The following DOCK1 variants were observed in gnomAD, a reference collection of about 807,000 sequenced individuals.
DOCK1 encodes the protein dedicator of cytokinesis protein 1.
DOCK1 carries 138 observed loss-of-function variants against 262.7 expected under a neutral mutation model. The ratio of observed to expected loss-of-function variants is 0.53; its 90% confidence interval spans 0.46 to 0.61. DOCK1 has a LOEUF of 0.61. Among genes scored for constraint, DOCK1 ranks in the 20% least tolerant of loss-of-function variants. The pLI, the probability that DOCK1 is intolerant of heterozygous loss-of-function variation, is 0.00. For synonymous variants in DOCK1, 866 were observed against 867.4 expected (o/e 1.00, Z 0.03); for missense variants, 1,908 against 2,370.7 (o/e 0.80, Z 4.05).
rs923200440 is a variant in DOCK1 at position 127,306,529 on chromosome 10, G to A, written c.3045-32477G>A. 2.6e-5 allele frequency among the ~76,000 whole-genome samples: 4 copies of A among 152,052 alleles called. No individual in the cohort carries two copies. In the East Asian group the frequency reaches 5.8e-4, roughly 22 times the overall value. ...CTGCAGACGTGGCTCAGCATCATAC[G>A]TTACAAGCACAGCTTTTGGTACAGG... On this transcript the variant is annotated intron_variant, in intron 29 of 51. Coordinates refer to ENST00000623213, the MANE Select transcript of DOCK1 (RefSeq NM_001290223.2).
chr10:127,050,951 C>T (rs1365520865), intron 21 of DOCK1, among the ~76,000 whole-genome samples: 1 of 151,768 alleles, frequency 6.6e-6, no homozygotes, highest in African/African-American at 2.4e-5. Context: ...AATACATTTC[C>T]CTTCATCTTT....
At chr10:127,250,879 TA>T (rs141156121) in intron 28 of DOCK1, among the ~76,000 whole-genome samples, 3,437 of 151,958 alleles carry the variant, frequency 0.023, 115 homozygotes, top group African/African-American at 0.079. Context: ...TGAACTTTTT[TA>T]CTGTTGTTAA....
intron 27 of DOCK1, among the ~76,000 whole-genome samples, chr10:127,209,722 T>TG (rs1319373340): frequency 1.3e-5 from 2 of 152,144 alleles, no homozygotes; most frequent in African/African-American, 4.8e-5. Context: ...CCAGCAGATG[T>TG]GGAGTAAAAA....
chr10:126,963,627 T>A (rs1249303571), intron 1 of DOCK1, among the ~76,000 whole-genome samples: 1 of 42,120 alleles, frequency 2.4e-5, no homozygotes, highest in African/African-American at 1.0e-4. Context: ...TCCCTTCCCT[T>A]CCCTTCCCTT....
At chr10:127,214,991 A>G (rs1024452165) in intron 27 of DOCK1, among the ~76,000 whole-genome samples, 1 of 152,154 alleles carries the variant, frequency 6.6e-6, no homozygotes, top group African/African-American at 2.4e-5. Flanking sequence ...CACGTGCAGG[A>G]TGGTTGCCCT....
intron 27 of DOCK1, among the ~76,000 whole-genome samples, chr10:127,187,303 A>G (rs764417514): frequency 1.3e-5 from 2 of 152,256 alleles, no homozygotes; most frequent in Non-Finnish European, 2.9e-5. Context: ...GAACAGTAGC[A>G]AAAGCCTGTG....
intron 1 of DOCK1, among the ~76,000 whole-genome samples, chr10:126,964,734 T>C (rs1043669874): frequency 1.3e-5 from 2 of 152,220 alleles, no homozygotes; most frequent in East Asian, 3.8e-4. Flanking sequence ...CCCTGGCCTT[T>C]GATGCTTTGG....
chr10:126,929,022 G>T (rs2033984616), intron 1 of DOCK1, among the ~76,000 whole-genome samples: 3 of 152,192 alleles, frequency 2.0e-5, no homozygotes, highest in Admixed American at 2.0e-4. Context: ...GGGCCTCTCT[G>T]TCTAGAAAGA....
At chr10:126,910,607 C>G (rs891936483) in intron 1 of DOCK1, among the ~76,000 whole-genome samples, 1 of 152,138 alleles carries the variant, frequency 6.6e-6, no homozygotes, top group Non-Finnish European at 1.5e-5. Flanking sequence ...TCATGAGTAG[C>G]CATTACTAGT....
At chr10:127,005,791 G>A (rs973629917) in intron 10 of DOCK1, among the ~76,000 whole-genome samples, 16 of 151,828 alleles carry the variant, frequency 1.1e-4, no homozygotes, top group African/African-American at 3.4e-4. Flanking sequence ...ACAATATCCC[G>A]TCCTACCATG....
chr10:127,191,311 G>A (rs1345462389), intron 27 of DOCK1, among the ~76,000 whole-genome samples: 2 of 152,010 alleles, frequency 1.3e-5, no homozygotes, highest in Non-Finnish European at 2.9e-5. Context: ...CCTCTCACTT[G>A]GTCTTGTAAC....
In DOCK1 at chr10:127,143,706, G is replaced by T. The variant is rs528039266; in HGVS notation, c.2847+15942G>T. 1.7e-3 allele frequency among the ~76,000 whole-genome samples: 252 copies of T among 152,282 alleles called. 1 individual carries two copies. The highest frequency in any genetic ancestry group is 5.7e-3 in the African/African-American group (236 of 41,560). On this transcript the variant is annotated intron_variant, in intron 27 of 51. Transcript: ENST00000623213. Reference sequence around the variant, plus strand: ...CATTGTCCAGAGGAAACTAAAAGTTGGGATCTGGATCCCAGGCCTGGCTCT... The same window carrying T: ...CATTGTCCAGAGGAAACTAAAAGTTTGGATCTGGATCCCAGGCCTGGCTCT...
At chr10:127,208,177 G>A (rs1185099834) in intron 27 of DOCK1, among the ~76,000 whole-genome samples, 1 of 152,134 alleles carries the variant, frequency 6.6e-6, no homozygotes, top group Non-Finnish European at 1.5e-5. Context: ...ATTGTGAAAC[G>A]GAAGAATTTT....
rs79203184 is a variant in DOCK1, at chr10:126,975,628, C to CT, written c.131-2306dup. 4.2e-3 allele frequency among the ~76,000 whole-genome samples: 600 copies of CT among 143,150 alleles called. 1 individual carries two copies. The highest frequency in any genetic ancestry group is 4.6e-3 in the Non-Finnish European group (296 of 64,900). 93.9% of individuals were successfully genotyped at this position (143,150 alleles called of 152,430 possible). ...AAACTTTGCTCATTTTCTTTCTTTT[C>CT]TTTTTTTTTTTTTTGAGATGGAGTC... On this transcript the variant is annotated intron_variant, in intron 2 of 51. Coordinates refer to ENST00000623213, the MANE Select transcript of DOCK1 (RefSeq NM_001290223.2).
At chr10:126,981,299 G>A (rs2038957808) in intron 3 of DOCK1, among the ~76,000 whole-genome samples, 1 of 152,170 alleles carries the variant, frequency 6.6e-6, no homozygotes, top group Admixed American at 6.5e-5. Context: ...GAGGCTGAAT[G>A]TCCTGTTGAG....
intron 1 of DOCK1, among the ~76,000 whole-genome samples, chr10:126,909,596 C>A (rs1221205351): frequency 6.6e-6 from 1 of 152,166 alleles, no homozygotes; most frequent in Non-Finnish European, 1.5e-5. Flanking sequence ...CCAAGTGCAG[C>A]TCTCAAATGG....
At chr10:127,101,671 C>G (rs1238959841) in intron 23 of DOCK1, among the ~76,000 whole-genome samples, 1 of 152,184 alleles carries the variant, frequency 6.6e-6, no homozygotes, top group Non-Finnish European at 1.5e-5. Flanking sequence ...CTGTCGGTCC[C>G]GATTCACACA....
Position 127,382,044 on chromosome 10 carries a change from A to T in DOCK1, c.3807+676A>T, listed in dbSNP as rs115793562. 2.0e-3 allele frequency among the ~76,000 whole-genome samples: 300 copies of T among 152,292 alleles called. 2 individuals are homozygous for T. The highest frequency in any genetic ancestry group is 7.0e-3 in the African/African-American group (292 of 41,556). ...TAGTTTTATATTTCACAACCTCAGTAAGTTATTAGATGATCTTGCTCATGA... is the reference window on the plus strand; with the variant it reads ...TAGTTTTATATTTCACAACCTCAGTTAGTTATTAGATGATCTTGCTCATGA... On this transcript the variant is annotated intron_variant, in intron 37 of 51. Coordinates refer to ENST00000623213, the MANE Select transcript of DOCK1 (RefSeq NM_001290223.2).
chr10:127,317,783 C>G (rs1304088399), intron 29 of DOCK1, among the ~76,000 whole-genome samples: 1 of 152,182 alleles, frequency 6.6e-6, no homozygotes. Flanking sequence ...GTGTGTGCCA[C>G]TCTCATGCTG....
Sources: allele counts gnomAD v4.1 joint callset (sites outside exome capture counted in the v4.1 genomes callset), GRCh38; gene constraint gnomAD v4.1.1; transcripts MANE v1.5; gene names NCBI Gene and HGNC (gene_info 2026-07-23, HGNC 2026-07-21).